The following RASAL2 variants were observed in gnomAD, a reference collection of about 807,000 sequenced individuals.
RASAL2 encodes the protein ras GTPase-activating protein nGAP.
A neutral mutation model predicts 128.9 loss-of-function variants in RASAL2; 58 were observed. The observed-to-expected ratio is 0.45, with a 90% CI of 0.36 to 0.56. RASAL2 has a LOEUF of 0.56. RASAL2 is among the 20% of genes least tolerant of loss of function. The pLI is 0.00. For synonymous variants in RASAL2, 561 were observed against 580.8 expected, an observed-to-expected ratio of 0.97 and a Z score of 0.49; for missense variants, 1,360 against 1,601.6, an observed-to-expected ratio of 0.85 and a Z score of 2.57.
chr1:178,253,992 T>G (rs1421195797), intron 1 of RASAL2, among the ~76,000 whole-genome samples: 4 of 152,174 alleles, frequency 2.6e-5, no homozygotes, highest in Non-Finnish European at 5.9e-5. Context: ...ATCCAATGGT[T>G]GTCCATTCTT....
intron 1 of RASAL2, among the ~76,000 whole-genome samples, chr1:178,256,659 T>C (rs191094184): frequency 5.9e-5 from 9 of 152,262 alleles, no homozygotes; most frequent in Middle Eastern, 3.4e-3. Flanking sequence ...ACAAAATCAA[T>C]GTATAGAAAA....
At chr1:178,416,837 A>G (rs1170782744) in intron 4 of RASAL2, among the ~76,000 whole-genome samples, 1 of 151,988 alleles carries the variant, frequency 6.6e-6, no homozygotes, top group Non-Finnish European at 1.5e-5. Context: ...AGCCAGATGT[A>G]ATGCTTATTT....
chr1:178,280,276 CAG>C (rs1666720363), intron 1 of RASAL2, among the ~76,000 whole-genome samples: 1 of 151,954 alleles, frequency 6.6e-6, no homozygotes, highest in Non-Finnish European at 1.5e-5. Context: ...AATGTAGAAA[CAG>C]ATATAAAAAC....
At chr1:178,318,066 G>GGAA (rs1668572055) in intron 3 of RASAL2, among the ~76,000 whole-genome samples, 2 of 151,648 alleles carry the variant, frequency 1.3e-5, no homozygotes, top group African/African-American at 4.9e-5. Context: ...TAGTCATTCA[G>GGAA]GAGCAGGTTG....
chr1:178,260,364 ATATATAT>A lies in RASAL2; in HGVS notation c.203-23199_203-23193del, dbSNP rs1220623354. Among the ~76,000 whole-genome samples, 71 of 19,616 alleles carry A rather than the reference ATATATAT, an allele frequency of 3.6e-3. 20 individuals carry two copies. The highest frequency in any genetic ancestry group is 9.6e-3 in the African/African-American group (56 of 5,826). The allele number at this position is 19,616 out of a possible 152,430, so 12.9% of individuals were successfully genotyped here. The stretch of plus-strand genomic sequence containing the variant: ...GAGACTCGTCTCAAAAAAAAAAAAA[ATATATAT>A]ATATATATATATATATATATATATA... On this transcript the variant is annotated intron_variant, in intron 1 of 17. Transcript: ENST00000367649.
At chr1:178,297,448 A>C (rs1048889168) in intron 2 of RASAL2, among the ~76,000 whole-genome samples, 1 of 151,378 alleles carries the variant, frequency 6.6e-6, no homozygotes, top group Admixed American at 6.6e-5. Flanking sequence ...CTAAAAATAA[A>C]AAAAAAAAAT....
intron 3 of RASAL2, chr1:178,341,715 T>C: frequency 2.8e-5 from 42 of 1,508,746 alleles, no homozygotes; most frequent in Non-Finnish European, 3.8e-5. Flanking sequence ...TTTATGATTA[T>C]TGGCTTTAAA....
chr1:178,130,903 A>T (rs1660080038), intron 1 of RASAL2, among the ~76,000 whole-genome samples: 1 of 152,000 alleles, frequency 6.6e-6, no homozygotes, highest in African/African-American at 2.4e-5. Context: ...AAATACAAAA[A>T]ATTAGCCGGG....
intron 1 of RASAL2, among the ~76,000 whole-genome samples, chr1:178,272,170 C>T (rs558567243): frequency 2.0e-5 from 3 of 152,082 alleles, no homozygotes; most frequent in South Asian, 2.1e-4. Context: ...TCACTAGATC[C>T]GTCTTGTTCA....
chr1:178,299,903 T>G lies in RASAL2; in HGVS notation c.331-89T>G. The G allele has an allele frequency of 2.9e-6, 4 of 1,371,740 alleles. No individual in the cohort carries two copies. In the South Asian group the frequency reaches 5.3e-5, roughly 18 times the overall value. The allele number at this position is 1,371,740 out of a possible 1,614,324, so 85.0% of individuals were successfully genotyped here. A position where few individuals can be genotyped will look rare whatever the true frequency, so the allele number is the denominator to read the frequency against. On this transcript the variant is annotated intron_variant, in intron 2 of 17. Transcript: ENST00000367649. ...TGCCTTACTCTTTGTTACACACTCC[T>G]GTCTTCTTTGACTAAAACCATTATT...
rs544385633 is a variant in RASAL2, at chr1:178,365,172, T to C, written c.458-24928T>C. ...GGGAATACTTCTGATGCTAACATCC[T>C]TGTTACATTGTGGCTTTGCATGTCT... On this transcript the variant is annotated intron_variant, in intron 3 of 17. Coordinates refer to ENST00000367649, the MANE Select transcript of RASAL2 (RefSeq NM_170692.4). Among the ~76,000 whole-genome samples, 22 of 152,274 alleles carry C rather than the reference T, an allele frequency of 1.4e-4. No individual in the cohort carries two copies. In the South Asian group the frequency reaches 4.6e-3, roughly 32 times the overall value.
intron 1 of RASAL2, among the ~76,000 whole-genome samples, chr1:178,278,924 A>C (rs1029465947): frequency 1.3e-5 from 2 of 152,318 alleles, no homozygotes; most frequent in Admixed American, 6.5e-5. Flanking sequence ...ATTACAAGGA[A>C]GGGTTAACAC....
rs574853123 is a variant in RASAL2, at chr1:178,125,095, A to C, written c.202+30401A>C. 5.3e-5 allele frequency among the ~76,000 whole-genome samples: 8 copies of C among 152,322 alleles called. No individual in the cohort carries two copies. The East Asian group carries it at 1.5e-3, about 29-fold the overall frequency. On this transcript the variant is annotated intron_variant, in intron 1 of 17. Coordinates refer to ENST00000367649, the MANE Select transcript of RASAL2 (RefSeq NM_170692.4). Reference sequence around the variant, plus strand: ...TTATTGCCCAAACATCAGTTAGAAAAAGTATGTTAAGGAAGTTCTGGTCAC... The same window carrying C: ...TTATTGCCCAAACATCAGTTAGAAACAGTATGTTAAGGAAGTTCTGGTCAC...
At chr1:178,215,280 C>G (rs1663388777) in intron 1 of RASAL2, among the ~76,000 whole-genome samples, 1 of 152,204 alleles carries the variant, frequency 6.6e-6, no homozygotes, top group Admixed American at 6.5e-5. Context: ...GGCCATGTGT[C>G]TGAGATCTAA....
At chr1:178,105,834 A>C (rs562404738) in intron 1 of RASAL2, among the ~76,000 whole-genome samples, 1 of 151,978 alleles carries the variant, frequency 6.6e-6, no homozygotes, top group East Asian at 1.9e-4. Context: ...CACTGCGCCC[A>C]GCTAGTTTTT....
chr1:178,415,104 T>G (rs1232211144), intron 4 of RASAL2, among the ~76,000 whole-genome samples: 1 of 152,108 alleles, frequency 6.6e-6, no homozygotes, highest in Non-Finnish European at 1.5e-5. Flanking sequence ...TTCTTGTGTT[T>G]GCTTTGGATT....
intron 3 of RASAL2, among the ~76,000 whole-genome samples, chr1:178,380,757 A>G (rs1200427271): frequency 6.6e-6 from 1 of 152,192 alleles, no homozygotes. Flanking sequence ...AGAGAATTCT[A>G]CCGGTTAAAA....
intron 1 of RASAL2, among the ~76,000 whole-genome samples, chr1:178,260,689 A>G (rs1665653384): frequency 6.6e-6 from 1 of 151,976 alleles, no homozygotes; most frequent in Non-Finnish European, 1.5e-5. Flanking sequence ...AAATATCAAG[A>G]GTATTTTATA....
chr1:178,153,653 A>G (rs191831391), intron 1 of RASAL2, among the ~76,000 whole-genome samples: 1 of 152,258 alleles, frequency 6.6e-6, no homozygotes. Context: ...CTTAATCCTG[A>G]ATAGTATTCC....
Sources: allele counts gnomAD v4.1 joint callset (sites outside exome capture counted in the v4.1 genomes callset), GRCh38; gene constraint gnomAD v4.1.1; transcripts MANE v1.5; gene names NCBI Gene and HGNC (gene_info 2026-07-23, HGNC 2026-07-21).